The following DCDC1 variants were observed in gnomAD, a reference collection of about 807,000 sequenced individuals.
DCDC1 encodes doublecortin domain containing 1.
DCDC1 carries 200 observed loss-of-function variants against 178.3 expected under a neutral mutation model. The observed-to-expected ratio is 1.12, with a 90% CI of 1.00 to 1.26. The LOEUF is 1.26. Ranked by LOEUF, DCDC1 falls within the 50% of genes most tolerant of loss-of-function variation. DCDC1 has a pLI of 0.00. For synonymous variants in DCDC1, 690 were observed against 604.8 expected (o/e 1.14, Z -2.07); for missense variants, 1,983 against 1,749.2 (o/e 1.13, Z -2.38).
At chr11:31,019,006 G>C (rs1412385901) in intron 20 of DCDC1, among the ~76,000 whole-genome samples, 2 of 152,104 alleles carry the variant, frequency 1.3e-5, no homozygotes, top group Non-Finnish European at 2.9e-5. Flanking sequence ...TAAGATGGTT[G>C]GGAAGGGAGA....
chr11:31,129,485 C>T (rs1962135897), intron 10 of DCDC1, among the ~76,000 whole-genome samples: 1 of 151,846 alleles, frequency 6.6e-6, no homozygotes, highest in South Asian at 2.1e-4. Flanking sequence ...ATTATCTAAC[C>T]CTACAATTGT....
intron 3 of DCDC1, among the ~76,000 whole-genome samples, chr11:31,308,998 C>T (rs984173682): frequency 6.6e-6 from 1 of 152,040 alleles, no homozygotes; most frequent in African/African-American, 2.4e-5. Flanking sequence ...GCCCCTCCTC[C>T]AAATCTTTCA....
Position 31,319,250 on chromosome 11 carries a change from C to A in DCDC1, c.164+8867G>T, listed in dbSNP as rs1275953567. 4.8e-3 allele frequency among the ~76,000 whole-genome samples: 78 copies of A among 16,118 alleles called. 4 individuals are homozygous for A. Among genetic ancestry groups the A allele is most frequent in the Non-Finnish European group, 5.6e-3 (57 of 10,220 alleles). 10.6% of individuals were successfully genotyped at this position (16,118 alleles called of 152,430 possible). A position where few individuals can be genotyped will look rare whatever the true frequency, so the allele number is the denominator to read the frequency against. ...GTCTCGTTGATCTGTCTAATGTTGA[C>A]AGTGGGGTGTTAAAGTCTCCCATTA... is the stretch of plus-strand genomic sequence containing the variant. On this transcript the variant is annotated intron_variant, in intron 3 of 38. Coordinates refer to ENST00000684477, the MANE Select transcript of DCDC1 (RefSeq NM_001387274.1).
intron 9 of DCDC1, among the ~76,000 whole-genome samples, chr11:31,180,693 C>A (rs949185086): frequency 6.6e-6 from 1 of 152,192 alleles, no homozygotes; most frequent in African/African-American, 2.4e-5. Flanking sequence ...TTTCCCATGG[C>A]CTTCGCAACC....
chr11:31,251,340 TGA>T (rs1237227707), intron 8 of DCDC1, among the ~76,000 whole-genome samples: 1 of 152,184 alleles, frequency 6.6e-6, no homozygotes, highest in Non-Finnish European at 1.5e-5. Flanking sequence ...AACATTATTC[TGA>T]GTGTGTCTGT....
chr11:31,136,541 A>C (rs1169686319), intron 10 of DCDC1, among the ~76,000 whole-genome samples: 1 of 152,158 alleles, frequency 6.6e-6, no homozygotes, highest in Non-Finnish European at 1.5e-5. Flanking sequence ...GGAAGATGAA[A>C]TCATAATAAG....
intron 20 of DCDC1, among the ~76,000 whole-genome samples, chr11:31,049,713 C>T (rs1955108841): frequency 6.6e-6 from 1 of 152,218 alleles, no homozygotes; most frequent in Non-Finnish European, 1.5e-5. Flanking sequence ...AAGGGAGACC[C>T]TCCTCTCCCA....
At chr11:31,119,266 C>T (rs530255008) in intron 11 of DCDC1, among the ~76,000 whole-genome samples, 7 of 152,282 alleles carry the variant, frequency 4.6e-5, no homozygotes, top group East Asian at 1.9e-4. Context: ...TTTGCCCAAC[C>T]TTTAGTGAAT....
chr11:31,215,858 C>G (rs562407402), intron 9 of DCDC1, among the ~76,000 whole-genome samples: 1 of 151,354 alleles, frequency 6.6e-6, no homozygotes, highest in Non-Finnish European at 1.5e-5. Context: ...TAAAAAGAAG[C>G]TCTTGAGTGG....
intron 20 of DCDC1, among the ~76,000 whole-genome samples, chr11:30,960,976 A>T (rs543218043): frequency 1.3e-5 from 2 of 152,256 alleles, no homozygotes; most frequent in Non-Finnish European, 2.9e-5. Context: ...CTTAAAAGAA[A>T]TACTAGGGTC....
intron 7 of DCDC1, among the ~76,000 whole-genome samples, chr11:31,287,044 T>C (rs1946886813): frequency 6.6e-6 from 1 of 151,954 alleles, no homozygotes; most frequent in Non-Finnish European, 1.5e-5. Flanking sequence ...GTCAAAACAC[T>C]CTCCGGTGAA....
chr11:31,338,926 A>C (rs1159721262), intron 1 of DCDC1, among the ~76,000 whole-genome samples: 1 of 152,142 alleles, frequency 6.6e-6, no homozygotes, highest in Non-Finnish European at 1.5e-5. Context: ...CATTGTAAGT[A>C]AGAAATAAAC....
intron 38 of DCDC1, among the ~76,000 whole-genome samples, chr11:30,874,912 G>A (rs189396652): frequency 7.7e-4 from 118 of 152,314 alleles, no homozygotes; most frequent in African/African-American, 2.8e-3. Context: ...CAGACAATGA[G>A]CAATAGCACA....
intron 7 of DCDC1, among the ~76,000 whole-genome samples, chr11:31,284,520 TG>T (rs1204128993): frequency 6.6e-6 from 1 of 152,140 alleles, no homozygotes; most frequent in Non-Finnish European, 1.5e-5. Context: ...TAACCATTAT[TG>T]TTATATGTTC....
At chr11:31,030,580 G>A (rs567859086) in intron 20 of DCDC1, among the ~76,000 whole-genome samples, 4 of 152,078 alleles carry the variant, frequency 2.6e-5, no homozygotes, top group East Asian at 3.9e-4. Flanking sequence ...TGGTACACGC[G>A]CTTCACTTCC....
rs921414971 is a variant in DCDC1, at chr11:31,328,350, G to C, written c.-6-64C>G. The C allele has an allele frequency of 2.1e-6, 3 of 1,452,102 alleles. No individual in the cohort carries two copies. In the African/African-American group the frequency reaches 4.3e-5, roughly 21 times the overall value. 90.0% of individuals were successfully genotyped at this position (1,452,102 alleles called of 1,614,324 possible). ...AAATCCTACTAGATTACAAATAGAG[G>C]CTGGGCATTAAACACAACTTACTTG... is the stretch of plus-strand genomic sequence containing the variant. On this transcript the variant is annotated intron_variant, in intron 2 of 38. Transcript: ENST00000684477.
intron 27 of DCDC1, among the ~76,000 whole-genome samples, chr11:30,914,833 T>G (rs969121780): frequency 6.6e-6 from 1 of 152,182 alleles, no homozygotes; most frequent in African/African-American, 2.4e-5. Context: ...TTCCAACTTA[T>G]CAGGACTTTT....
intron 8 of DCDC1, among the ~76,000 whole-genome samples, chr11:31,264,258 T>A (rs1034770710): frequency 1.3e-5 from 2 of 152,128 alleles, no homozygotes; most frequent in Non-Finnish European, 2.9e-5. Context: ...TGATATAGGA[T>A]TCATTCAAAA....
chr11:31,243,221 A>G (rs994016664), intron 8 of DCDC1, among the ~76,000 whole-genome samples: 1 of 151,784 alleles, frequency 6.6e-6, no homozygotes, highest in African/African-American at 2.4e-5. Flanking sequence ...AAAATGTATA[A>G]TATAAAGCAA....
Sources: allele counts gnomAD v4.1 joint callset (sites outside exome capture counted in the v4.1 genomes callset), GRCh38; gene constraint gnomAD v4.1.1; transcripts MANE v1.5; gene names NCBI Gene and HGNC (gene_info 2026-07-23, HGNC 2026-07-21).